Variants in PREX2 observed in about 807,000 individuals in gnomAD.
The protein encoded by PREX2 is phosphatidylinositol-3,4,5-trisphosphate dependent Rac exchange factor 2, also known as phosphatidylinositol 3,4,5-trisphosphate-dependent Rac exchanger 2 protein.
A neutral mutation model predicts 203.2 loss-of-function variants in PREX2; 107 were observed. The ratio of observed to expected loss-of-function variants is 0.53; its 90% CI spans 0.45 to 0.62. PREX2 has a LOEUF of 0.62. PREX2 is among the 20% of genes least tolerant of loss of function. PREX2 has a pLI of 0.00. For synonymous variants in PREX2, 672 were observed against 663.6 expected (o/e 1.01, Z -0.19); for missense variants, 1,777 against 1,955.9 (o/e 0.91, Z 1.72).
At chr8:68,138,927 C>G (rs1811167065) in intron 33 of PREX2, among the ~76,000 whole-genome samples, 1 of 152,064 alleles carries the variant, frequency 6.6e-6, no homozygotes, top group East Asian at 1.9e-4. Context: ...TCTCACATTC[C>G]TAATGTCCAG....
At chr8:68,223,090 G>A (rs1184310455) in intron 38 of PREX2, among the ~76,000 whole-genome samples, 1 of 152,166 alleles carries the variant, frequency 6.6e-6, no homozygotes, top group Non-Finnish European at 1.5e-5. Context: ...AGAAACCTTA[G>A]TGGGAGAAAA....
chr8:68,124,144 A>C (rs1195052738), intron 30 of PREX2, among the ~76,000 whole-genome samples: 1 of 152,168 alleles, frequency 6.6e-6, no homozygotes, highest in Admixed American at 6.5e-5. Context: ...TTCATCATAT[A>C]AACAAAGGAA....
intron 20 of PREX2, among the ~76,000 whole-genome samples, chr8:68,090,933 G>GT (rs1434893931): frequency 9.2e-5 from 14 of 152,276 alleles, no homozygotes; most frequent in African/African-American, 2.9e-4. Context: ...ACCGCCATCT[G>GT]TTTAAAAAGT....
chr8:68,099,866 A>G (rs1585791256), intron 23 of PREX2, 23 bp downstream of exon 23: 2 of 1,541,078 alleles, frequency 1.3e-6, no homozygotes, highest in Non-Finnish European at 9.0e-7. Flanking sequence ...TTGATTTTAT[A>G]CACAATTATT....
intron 13 of PREX2, 36 bp from the exon 14 acceptor site, chr8:68,072,452 ATTTTTGT>A (rs777101222): frequency 1.8e-6 from 2 of 1,106,856 alleles, no homozygotes; most frequent in Admixed American, 3.7e-5. Flanking sequence ...CTCTTGCTTA[ATTTTTGT>A]TTTTTGTTTG....
At chr8:68,187,793 G>T (rs1272703184) in intron 35 of PREX2, among the ~76,000 whole-genome samples, 2 of 152,084 alleles carry the variant, frequency 1.3e-5, no homozygotes, top group Admixed American at 1.3e-4. Flanking sequence ...AATCACAGCT[G>T]GGCTCAAAAA....
Position 68,190,269 on chromosome 8 carries a change from C to T in PREX2, c.4347-1453C>T, listed in dbSNP as rs1030048800. ...TATCATGGGACTTATTTTGTTCCAC[C>T]GACATTAAAATGTCACATTCTAGAA... On this transcript the variant is annotated intron_variant, in intron 35 of 39. Transcript: ENST00000288368. Among the ~76,000 whole-genome samples, 9 of 151,772 alleles carry T rather than the reference C, an allele frequency of 5.9e-5. No homozygotes were observed. In the East Asian group the frequency reaches 1.4e-3, roughly 23 times the overall value.
At chr8:68,053,002 G>T (rs1470565101) in intron 8 of PREX2, 95 bp from the exon 9 acceptor site, 13 of 1,062,298 alleles carry the variant, frequency 1.2e-5, no homozygotes, top group Non-Finnish European at 1.8e-5. Context: ...GAACAATTCA[G>T]TGGTTTTGGA....
At chr8:68,141,347 G>A (rs1585824107) in intron 33 of PREX2, among the ~76,000 whole-genome samples, 1 of 152,256 alleles carries the variant, frequency 6.6e-6, no homozygotes, top group African/African-American at 2.4e-5. Flanking sequence ...ATCCTTATAT[G>A]GGCCAGGCAT....
rs1807512360 is a variant in PREX2 at position 68,019,793 on chromosome 8, G to A, written c.336+122G>A. The A allele has an allele frequency of 7.8e-6, 7 of 897,308 alleles. No individual in the cohort carries two copies. In the East Asian group the frequency reaches 1.7e-4, roughly 22 times the overall value. The allele number at this position is 897,308 out of a possible 1,614,324, so 55.6% of individuals were successfully genotyped here. A position where few individuals can be genotyped will look rare whatever the true frequency, so the allele number is the denominator to read the frequency against. ...TAAAATCTGACACCAAAAGTTTAAG[G>A]TCTTTTAAGGCCAATGAGATCTTCC... On this transcript the variant is annotated intron_variant, in intron 3 of 39. Transcript: ENST00000288368.
chr8:68,034,238 G>A (rs1381850281), intron 6 of PREX2, among the ~76,000 whole-genome samples: 1 of 152,028 alleles, frequency 6.6e-6, no homozygotes, highest in Non-Finnish European at 1.5e-5. Context: ...GCAACATTCA[G>A]AACATTCTAC....
At chr8:67,954,561 T>A (rs767763535) in intron 1 of PREX2, among the ~76,000 whole-genome samples, 1 of 152,192 alleles carries the variant, frequency 6.6e-6, no homozygotes, top group Non-Finnish European at 1.5e-5. Flanking sequence ...TAGGAACCTA[T>A]CCTAAGGGAA....
At chr8:68,149,798 C>A (rs1237339836) in intron 34 of PREX2, among the ~76,000 whole-genome samples, 1 of 152,164 alleles carries the variant, frequency 6.6e-6, no homozygotes, top group African/African-American at 2.4e-5. Context: ...ATTTTAGAAG[C>A]TTTCCAGGTG....
At chr8:68,114,510 T>C (rs1810603010) in intron 25 of PREX2, among the ~76,000 whole-genome samples, 1 of 152,244 alleles carries the variant, frequency 6.6e-6, no homozygotes, top group South Asian at 2.1e-4. Context: ...TCTTTGATAA[T>C]AAAGTTCAAT....
intron 38 of PREX2, chr8:68,220,356 A>C (rs183467201): frequency 6.6e-6 from 1 of 152,308 alleles, no homozygotes; most frequent in Non-Finnish European, 1.5e-5. Context: ...TTGCAGTAGA[A>C]ACTGTCATTT....
At chr8:68,062,355 A>G (rs1808883467) in intron 11 of PREX2, among the ~76,000 whole-genome samples, 1 of 152,170 alleles carries the variant, frequency 6.6e-6, no homozygotes, top group Non-Finnish European at 1.5e-5. Flanking sequence ...ATAACCATCT[A>G]ATTGCTTACA....
intron 37 of PREX2, among the ~76,000 whole-genome samples, chr8:68,215,668 G>A (rs1001738289): frequency 2.6e-5 from 4 of 151,634 alleles, no homozygotes; most frequent in Non-Finnish European, 4.4e-5. Flanking sequence ...CCAAGTAGCT[G>A]GGACTACAGG....
rs530297785 is a variant in PREX2, at chr8:67,982,853, C to T, written c.141+30318C>T. Among the ~76,000 whole-genome samples the T allele has an allele frequency of 7.2e-5, 11 of 152,254 alleles. No homozygotes were observed. The South Asian group carries it at 2.1e-3, about 29-fold the overall frequency. The stretch of plus-strand genomic sequence containing the variant: ...CTTGTCTATGACATTAATGATTTCC[C>T]GCCTTAACATTATATTTACTTGTTC... On this transcript the variant is annotated intron_variant, in intron 1 of 39. Coordinates refer to ENST00000288368, the MANE Select transcript of PREX2 (RefSeq NM_024870.4).
In PREX2 at chr8:68,206,215, C is replaced by T. The variant is rs183780191; in HGVS notation, c.4605-11401C>T. Among the ~76,000 whole-genome samples the T allele has an allele frequency of 4.2e-3, 646 of 152,196 alleles. 5 individuals carry two copies. The highest frequency in any genetic ancestry group is 6.8e-3 in the Non-Finnish European group (461 of 68,024). On this transcript the variant is annotated intron_variant, in intron 37 of 39. Transcript: ENST00000288368. ...ATCACCTCGTCTCTCAGGGACTTAT[C>T]GGTGAAATGGGAATAATGATTTCTT...
Sources: gnomAD v4.1 joint callset for allele counts (sites outside exome capture counted in the v4.1 genomes callset) on GRCh38, gnomAD v4.1.1 for gene constraint, MANE v1.5 for transcripts, NCBI Gene and HGNC (gene_info 2026-07-23, HGNC 2026-07-21) for gene names.